The following LRRC9 variants were observed in gnomAD, a reference collection of about 807,000 sequenced individuals.
LRRC9 encodes leucine-rich repeat-containing protein 9.
Under a neutral mutation model 63.2 loss-of-function variants are expected in LRRC9, and 122 were observed. The observed-to-expected ratio is 1.93, with a 90% CI of 1.67 to 2.24. The LOEUF (loss-of-function observed/expected upper bound fraction) is 2.24. Among genes scored for constraint, LRRC9 ranks in the 30% most tolerant of loss-of-function variants. The pLI, the probability that LRRC9 is intolerant of heterozygous loss-of-function variation, is 0.00. For synonymous variants in LRRC9, 366 were observed against 213.1 expected (o/e 1.72, Z -6.25); for missense variants, 1,071 against 627.7 (o/e 1.71, Z -7.55).
chr14:59,932,165 G>A lies in LRRC9; in HGVS notation c.543+126G>A. On this transcript the variant is annotated intron_variant, in intron 6 of 31. Transcript: ENST00000445360. This position sits in a 1 kb window ranked among gnomAD's most constrained non-coding sequence, Gnocchi z 4.7. ...TCATTATTTTGGGCTGATGCTCCAG[G>A]AAATTTGAAAGTCATCTGACTACAT... 1.8e-6 allele frequency: 1 copy of A among 566,812 alleles called. No individual in the cohort carries two copies. Among genetic ancestry groups the A allele is most frequent in the Non-Finnish European group, 3.1e-6 (1 of 323,382 alleles). The allele number at this position is 566,812 out of a possible 1,614,324, so 35.1% of individuals were successfully genotyped here.
intron 19 of LRRC9, 48 bp from the exon 20 acceptor site, chr14:60,001,918 C>T (rs576312180): frequency 3.7e-6 from 2 of 536,132 alleles, no homozygotes; most frequent in Non-Finnish European, 6.6e-6. Flanking sequence ...ATCAACTAAC[C>T]TCTGTATACT....
downstream of LRRC9, among the ~76,000 whole-genome samples, chr14:60,064,780 T>C (rs1376624245): frequency 6.6e-6 from 1 of 152,194 alleles, no homozygotes; most frequent in East Asian, 1.9e-4. Context: ...ATTGGCATCA[T>C]CTTCTTTTTT....
intron 18 of LRRC9, among the ~76,000 whole-genome samples, chr14:59,998,063 TG>T (rs1222684805): frequency 2.6e-5 from 4 of 152,116 alleles, no homozygotes; most frequent in African/African-American, 9.6e-5. Flanking sequence ...ACAGATTTTT[TG>T]TAACCTCTAA....
chr14:60,019,303 G>A (rs1019520377), intron 26 of LRRC9, 43 bp downstream of exon 26: 27 of 649,076 alleles, frequency 4.2e-5, no homozygotes, highest in Non-Finnish European at 7.2e-5. Flanking sequence ...TTTTGGCTGG[G>A]AATTTTAAAA....
intron 17 of LRRC9, among the ~76,000 whole-genome samples, chr14:59,987,380 C>A (rs1245461419): frequency 1.4e-5 from 2 of 147,760 alleles, no homozygotes; most frequent in Non-Finnish European, 3.0e-5. Context: ...AGTTTATATG[C>A]ATTGTATAAA....
intron 26 of LRRC9, among the ~76,000 whole-genome samples, chr14:60,020,416 A>C (rs992982846): frequency 2.0e-5 from 3 of 151,906 alleles, no homozygotes; most frequent in African/African-American, 7.2e-5. Context: ...TACTATGAAC[A>C]TTTCATTTAT....
At chr14:59,982,799 T>C (rs576725705) in intron 16 of LRRC9, among the ~76,000 whole-genome samples, 27 of 152,322 alleles carry the variant, frequency 1.8e-4, no homozygotes, top group Non-Finnish European at 2.9e-4. Context: ...TTAAGACTAG[T>C]CACATTTCAA....
At chr14:59,973,801 TA>T (rs1391598513) in intron 12 of LRRC9, among the ~76,000 whole-genome samples, 2 of 152,030 alleles carry the variant, frequency 1.3e-5, no homozygotes, top group East Asian at 1.9e-4. Context: ...AGATTTCAAT[TA>T]AAAAAATAAG....
chr14:60,024,859 G>C (rs1456807011), intron 27 of LRRC9, among the ~76,000 whole-genome samples: 2 of 150,218 alleles, frequency 1.3e-5, no homozygotes, highest in Non-Finnish European at 3.0e-5. Context: ...ACTTATTGTT[G>C]GAGCGTACTT....
At chr14:59,987,042 G>C (rs1887546752) in intron 17 of LRRC9, among the ~76,000 whole-genome samples, 1 of 152,046 alleles carries the variant, frequency 6.6e-6, no homozygotes, top group Non-Finnish European at 1.5e-5. Context: ...CAGATACAGA[G>C]AATTACATGC....
chr14:59,939,100 T>C lies in LRRC9; in HGVS notation c.726+528T>C, dbSNP rs10136068. On this transcript the variant is annotated intron_variant, in intron 7 of 31. Transcript: ENST00000445360. ...ATATATACACATATATACATATATA[T>C]ACACACATATATATACATATATATA... Among the ~76,000 whole-genome samples, 4 of 122,652 alleles carry C rather than the reference T, an allele frequency of 3.3e-5. No individual in the cohort carries two copies. In the South Asian group the frequency reaches 8.7e-4, roughly 27 times the overall value. 80.5% of individuals were successfully genotyped at this position (122,652 alleles called of 152,430 possible). A position where few individuals can be genotyped will look rare whatever the true frequency, so the allele number is the denominator to read the frequency against.
At chr14:59,975,102 CATATATATATGTATATATATAT>C (rs1273066066) in intron 13 of LRRC9, among the ~76,000 whole-genome samples, 3 of 9,650 alleles carry the variant, frequency 3.1e-4, no homozygotes, top group African/African-American at 4.8e-4. Flanking sequence ...TATATATATA[CATATATATATGTATATATATAT>C]ATGTATATAT....
In LRRC9 at chr14:60,042,306, A is replaced by G. The variant is rs542475754; in HGVS notation, c.3990+10243A>G. Among the ~76,000 whole-genome samples the G allele has an allele frequency of 9.5e-3, 1,446 of 152,262 alleles. 25 individuals carry two copies. The highest frequency in any genetic ancestry group is 0.033 in the African/African-American group (1,366 of 41,550). On this transcript the variant is annotated intron_variant, in intron 29 of 31. Transcript: ENST00000445360. This position sits in a 1 kb window ranked among gnomAD's most constrained non-coding sequence, Gnocchi z 4.2. ...AGATAGGGACGTTTAAGTCTGCAGA[A>G]GTTTCTGCTGCCTGTTGTTCAGCTA...
intron 29 of LRRC9, among the ~76,000 whole-genome samples, chr14:60,041,078 A>G (rs1296645300): frequency 6.6e-6 from 1 of 151,868 alleles, no homozygotes; most frequent in East Asian, 1.9e-4. Flanking sequence ...AGAATGTTGA[A>G]TATTGGTCCC....
In LRRC9 at chr14:60,053,629, ACT is replaced by A. The variant is rs1033789423; in HGVS notation, c.4131+429_4131+430del. Among the ~76,000 whole-genome samples, 13 of 152,104 alleles carry A rather than the reference ACT, an allele frequency of 8.5e-5. No homozygotes were observed. Among genetic ancestry groups the A allele is most frequent in the African/African-American group, 2.9e-4 (12 of 41,492 alleles). ...AGGGAAGGAAGGAATTCTGAACTCAACTCTCTGGATTGTGTAGTTTATCTAAG... is the reference window on the plus strand; with the variant it reads ...AGGGAAGGAAGGAATTCTGAACTCAACTCTGGATTGTGTAGTTTATCTAAG... On this transcript the variant is annotated intron_variant, in intron 30 of 31. Coordinates refer to ENST00000445360, the Ensembl canonical transcript of LRRC9. The surrounding 1 kb of genome is among the most constrained non-coding windows in gnomAD (Gnocchi z 4.8).
chr14:59,976,319 A>C (rs1886281580), intron 13 of LRRC9, among the ~76,000 whole-genome samples: 1 of 152,234 alleles, frequency 6.6e-6, no homozygotes, highest in South Asian at 2.1e-4. Context: ...TCTGGGGGAA[A>C]ATTGTCTTCC....
At chr14:60,002,520 A>T (rs1566866219) in intron 20 of LRRC9, among the ~76,000 whole-genome samples, 2 of 152,190 alleles carry the variant, frequency 1.3e-5, no homozygotes, top group Non-Finnish European at 2.9e-5. Flanking sequence ...TTTTTAATTT[A>T]CAATGTATGC....
intron 8 of LRRC9, among the ~76,000 whole-genome samples, chr14:59,953,061 A>T (rs544786262): frequency 6.6e-6 from 1 of 152,212 alleles, no homozygotes; most frequent in Admixed American, 6.5e-5. Flanking sequence ...TCTATCACTG[A>T]TGGGCATTTG....
intron 23 of LRRC9, among the ~76,000 whole-genome samples, chr14:60,015,102 A>G (rs1379637965): frequency 6.6e-6 from 1 of 151,682 alleles, no homozygotes; most frequent in African/African-American, 2.4e-5. Context: ...TGTTTACAGT[A>G]TTTTTCAATT....
Sources: allele counts gnomAD v4.1 joint callset (sites outside exome capture counted in the v4.1 genomes callset), GRCh38; gene constraint gnomAD v4.1.1; non-coding constraint Gnocchi (gnomAD v3.1); transcripts MANE v1.5; gene names NCBI Gene and HGNC (gene_info 2026-07-23, HGNC 2026-07-21).